Variants in FIP1L1 observed in about 807,000 individuals in gnomAD.
FIP1L1 encodes pre-mRNA 3'-end-processing factor FIP1.
In FIP1L1, 21 loss-of-function variants were observed where a neutral mutation model predicts 84.6. That is an observed-to-expected ratio of 0.25 (90% CI 0.18 to 0.36). FIP1L1 has a LOEUF of 0.36. FIP1L1 is among the 10% of genes least tolerant of loss of function. The pLI is 1.00. For synonymous variants in FIP1L1, 263 were observed against 242.3 expected (o/e 1.09, Z -0.80); for missense variants, 526 against 751.1 (o/e 0.70, Z 3.50).
intron 3 of FIP1L1, among the ~76,000 whole-genome samples, chr4:53,381,750 A>ATTTTTTTTTTTTTT (rs1233462083): frequency 2.1e-3 from 131 of 62,874 alleles, no homozygotes; most frequent in Non-Finnish European, 2.6e-3. Context: ...AGGCATTTGC[A>ATTTTTTTTTTTTTT]TTCTTTTTTT....
intron 5 of FIP1L1, 33 bp from the exon 6 acceptor site, chr4:53,389,776 A>G: frequency 5.2e-6 from 8 of 1,550,154 alleles, no homozygotes; most frequent in Middle Eastern, 1.7e-4. Flanking sequence ...TTTTCAGGAT[A>G]ATTTCTGTTT....
intron 16 of FIP1L1, among the ~76,000 whole-genome samples, chr4:53,456,529 G>T (rs562304264): frequency 7.8e-6 from 1 of 128,238 alleles, no homozygotes; most frequent in East Asian, 2.1e-4. Flanking sequence ...ATAAGTAAAG[G>T]TTTCTGAAGG....
rs1195434737 is a variant in FIP1L1, at chr4:53,390,898, G to A, written c.506-111G>A. On this transcript the variant is annotated intron_variant, in intron 7 of 17. Coordinates refer to ENST00000337488, the MANE Select transcript of FIP1L1 (RefSeq NM_030917.4). ...TCTTTTTGCCACCATAAATGATAGA[G>A]TGATAACTGATAGAACTCTAAATTT... The A allele has an allele frequency of 3.3e-6, 3 of 916,676 alleles. No homozygotes were observed. In the East Asian group the frequency reaches 8.4e-5, roughly 26 times the overall value. 56.8% of individuals were successfully genotyped at this position (916,676 alleles called of 1,614,324 possible).
intron 11 of FIP1L1, among the ~76,000 whole-genome samples, chr4:53,419,257 A>G (rs1007808985): frequency 1.3e-5 from 2 of 152,096 alleles, no homozygotes; most frequent in African/African-American, 2.4e-5. Context: ...TTTGTTTTAA[A>G]TAGAGCTTAA....
At chr4:53,400,375 T>G (rs1295285447) in intron 10 of FIP1L1, among the ~76,000 whole-genome samples, 3 of 152,160 alleles carry the variant, frequency 2.0e-5, no homozygotes, top group Non-Finnish European at 2.9e-5. Flanking sequence ...GAAAATGTCT[T>G]TTTTACTTAA....
chr4:53,382,098 G>C (rs985836459), intron 3 of FIP1L1, among the ~76,000 whole-genome samples, 180 bp from the exon 4 acceptor site: 16 of 151,978 alleles, frequency 1.1e-4, no homozygotes, highest in African/African-American at 3.9e-4. Flanking sequence ...ACAATGTTGA[G>C]TACTTGTCTT....
intron 4 of FIP1L1, 94 bp downstream of exon 4, chr4:53,382,429 T>C: frequency 1.0e-6 from 1 of 958,428 alleles, no homozygotes; most frequent in Non-Finnish European, 1.7e-6. Context: ...TTACATTACC[T>C]TCAGTATCAG....
chr4:53,399,949 A>T (rs1431014569), intron 10 of FIP1L1, 110 bp downstream of exon 10: 2 of 721,992 alleles, frequency 2.8e-6, no homozygotes, highest in Non-Finnish European at 4.5e-6. Flanking sequence ...AAACTGGAAC[A>T]TTTTACTTTG....
chr4:53,398,728 AAAG>A (rs376068335), intron 9 of FIP1L1, among the ~76,000 whole-genome samples: 12 of 152,242 alleles, frequency 7.9e-5, no homozygotes, highest in African/African-American at 2.9e-4. Context: ...AGAAGAGCAT[AAAG>A]AAGTCATTTC....
intron 11 of FIP1L1, among the ~76,000 whole-genome samples, chr4:53,417,188 G>A (rs1385199076): frequency 6.6e-6 from 1 of 152,076 alleles, no homozygotes; most frequent in Non-Finnish European, 1.5e-5. Flanking sequence ...ACATCTCAGT[G>A]CTTTATGTAT....
intron 8 of FIP1L1, 93 bp downstream of exon 8, chr4:53,391,232 G>A: frequency 1.4e-6 from 2 of 1,385,888 alleles, no homozygotes; most frequent in South Asian, 1.4e-5. Flanking sequence ...GTGGTTAAAT[G>A]CTATATGATA....
intron 10 of FIP1L1, among the ~76,000 whole-genome samples, chr4:53,407,865 T>C (rs1401506373): frequency 6.6e-6 from 1 of 152,188 alleles, no homozygotes; most frequent in Non-Finnish European, 1.5e-5. Context: ...TCCTCCATCC[T>C]TTTATTTTGA....
At chr4:53,410,432 G>A (rs1272591238) in intron 10 of FIP1L1, among the ~76,000 whole-genome samples, 2 of 152,138 alleles carry the variant, frequency 1.3e-5, no homozygotes, top group Admixed American at 6.5e-5. Flanking sequence ...CAAGGTTCTC[G>A]TTTCCTTTGT....
intron 4 of FIP1L1, among the ~76,000 whole-genome samples, chr4:53,382,799 A>G (rs1482821636): frequency 1.3e-5 from 2 of 152,214 alleles, no homozygotes; most frequent in African/African-American, 4.8e-5. Context: ...AAAGGAAGGA[A>G]GTTATTGTTC....
chr4:53,425,126 T>A (rs1763822336), intron 11 of FIP1L1, among the ~76,000 whole-genome samples: 1 of 152,294 alleles, frequency 6.6e-6, no homozygotes, highest in Non-Finnish European at 1.5e-5. Flanking sequence ...CATTGCCTAT[T>A]TCTCCAAGTG....
intron 10 of FIP1L1, among the ~76,000 whole-genome samples, chr4:53,400,413 C>G (rs1438558390): frequency 6.6e-6 from 1 of 152,104 alleles, no homozygotes; most frequent in South Asian, 2.1e-4. Flanking sequence ...CCTATTATGC[C>G]ATTACCAGGA....
chr4:53,402,801 TTAA>T (rs1750988203), intron 10 of FIP1L1, among the ~76,000 whole-genome samples: 1 of 152,110 alleles, frequency 6.6e-6, no homozygotes. Flanking sequence ...GGAATGTCGT[TTAA>T]TAAAGCCAAA....
chr4:53,388,880 T>A (rs1742617253), intron 5 of FIP1L1, among the ~76,000 whole-genome samples: 2 of 152,200 alleles, frequency 1.3e-5, no homozygotes, highest in Non-Finnish European at 2.9e-5. Context: ...TGTATACAAG[T>A]CTTAGGTGTT....
intron 1 of FIP1L1, chr4:53,378,468 T>G (rs1735918074): frequency 6.6e-6 from 1 of 152,432 alleles, no homozygotes; most frequent in South Asian, 2.1e-4. Context: ...AAATAATTAA[T>G]TAAGAGAGAG....
Sources: allele counts gnomAD v4.1 joint callset (sites outside exome capture counted in the v4.1 genomes callset), GRCh38; gene constraint gnomAD v4.1.1; transcripts MANE v1.5; gene names NCBI Gene and HGNC (gene_info 2026-07-23, HGNC 2026-07-21).